The following TOMM40 variants were observed in gnomAD, a reference collection of about 807,000 sequenced individuals.
TOMM40 encodes the protein mitochondrial import receptor subunit TOM40 homolog.
Under a neutral mutation model 38.4 loss-of-function variants are expected in TOMM40, and 9 were observed. That is an observed-to-expected ratio of 0.23 (90% confidence interval 0.14 to 0.41). The LOEUF (loss-of-function observed/expected upper bound fraction) is 0.41, where lower values mean the gene tolerates loss of function less well. Ranked by LOEUF, TOMM40 falls within the 10% of genes least tolerant of loss-of-function variation. The pLI is 1.00. For synonymous variants in TOMM40, 184 were observed against 210.0 expected, an observed-to-expected ratio of 0.88 and a Z score of 1.07; for missense variants, 299 against 486.5, an observed-to-expected ratio of 0.61 and a Z score of 3.63.
rs1969559887 is a variant in TOMM40 at position 44,896,103 on chromosome 19, C to T, written c.643+2037C>T. Among the ~76,000 whole-genome samples, 3 of 152,204 alleles carry T rather than the reference C, an allele frequency of 2.0e-5. No individual in the cohort carries two copies. In the South Asian group the frequency reaches 6.2e-4, roughly 32 times the overall value. Reference sequence around the variant, plus strand: ...CTTCACGGCGCCAGCAACCCCGTTCCCTGTGCCGCCTCGCTCGCCTGGTCC... The same window carrying T: ...CTTCACGGCGCCAGCAACCCCGTTCTCTGTGCCGCCTCGCTCGCCTGGTCC... On this transcript the variant is annotated intron_variant, in intron 5 of 8. Transcript: ENST00000426677.
intron 2 of TOMM40, 80 bp from the exon 3 acceptor site, chr19:44,892,757 G>C: frequency 8.2e-7 from 1 of 1,218,648 alleles, no homozygotes; most frequent in Non-Finnish European, 1.2e-6. Context: ...CCCCTGCCCA[G>C]CCCAGAGACC....
intron 3 of TOMM40, among the ~76,000 whole-genome samples, chr19:44,893,288 G>C (rs1044994770): frequency 1.3e-5 from 2 of 152,142 alleles, no homozygotes; most frequent in African/African-American, 4.8e-5. Flanking sequence ...GTCATGGCAT[G>C]GTTTGGTCAA....
chr19:44,897,385 T>G (rs1182692710), intron 5 of TOMM40, among the ~76,000 whole-genome samples: 1 of 152,102 alleles, frequency 6.6e-6, no homozygotes, highest in African/African-American at 2.4e-5. Context: ...CCCCCTTGAT[T>G]GAATGAGGGG....
chr19:44,901,071 G>A lies in TOMM40; in HGVS notation c.810G>A (p.Met270Ile), dbSNP rs774054066. The A allele has an allele frequency of 6.2e-7, 1 of 1,614,286 alleles. No individual in the cohort carries two copies. Among genetic ancestry groups the A allele is most frequent in the Admixed American group, 1.7e-5 (1 of 60,038 alleles). Residue 270 changes from methionine (M) to isoleucine (I), a missense_variant, in exon 7 of 9, where the codon ATG becomes ATA. Met to Ile is a conservative substitution (Grantham distance 10). Transcript: ENST00000426677. ...CGGTAACGTTGGGCCAGGCGGGCAT[G>A]CACGCAACATACTACCACAAAGCCA... ...LATVTLGQAGMHATYYHKASD... is the reference protein window; with the variant it reads ...LATVTLGQAGIHATYYHKASD...
At chr19:44,894,196 C>A in intron 5 of TOMM40, 130 bp downstream of exon 5, 1 of 622,094 alleles carries the variant, frequency 1.6e-6, no homozygotes. Context: ...TTTGAAACAT[C>A]AGGCAACATA....
Position 44,903,260 on chromosome 19 carries a change from C to T in TOMM40, c.*91C>T, listed in dbSNP as rs1170754921. 6.0e-6 allele frequency: 8 copies of T among 1,331,192 alleles called. No homozygotes were observed. The African/African-American group carries it at 6.1e-5, about 10-fold the overall frequency. 82.5% of individuals were successfully genotyped at this position (1,331,192 alleles called of 1,614,324 possible). ...AGAGGGGAGACCTGAGCCCCCCTCC[C>T]TTCCCTCCCCCCTTGGGGGTCGGGG... is the stretch of plus-strand genomic sequence containing the variant. On this transcript the variant is annotated 3_prime_UTR_variant, in exon 9 of 9. Coordinates refer to ENST00000426677, the MANE Select transcript of TOMM40 (RefSeq NM_001128917.2).
intron 5 of TOMM40, 73 bp downstream of exon 5, chr19:44,894,139 G>A (rs1969521311): frequency 3.4e-6 from 4 of 1,172,146 alleles, no homozygotes; most frequent in Non-Finnish European, 3.5e-6. Context: ...CACCCCATTT[G>A]TGAACCTCCT....
rs1450204457 is a variant in TOMM40, at chr19:44,903,255, C to G, written c.*86C>G. 3.0e-6 allele frequency: 4 copies of G among 1,351,122 alleles called. No homozygotes were observed. The highest frequency in any genetic ancestry group is 1.5e-5 in the African/African-American group (1 of 66,440). 83.7% of individuals were successfully genotyped at this position (1,351,122 alleles called of 1,614,324 possible). A position where few individuals can be genotyped will look rare whatever the true frequency, so the allele number is the denominator to read the frequency against. On this transcript the variant is annotated 3_prime_UTR_variant, in exon 9 of 9. Coordinates refer to ENST00000426677, the MANE Select transcript of TOMM40 (RefSeq NM_001128917.2). The stretch of plus-strand genomic sequence containing the variant: ...GCCACAGAGGGGAGACCTGAGCCCC[C>G]CTCCCTTCCCTCCCCCCTTGGGGGT...
At chr19:44,892,108 C>T (rs1248586639) in intron 1 of TOMM40, among the ~76,000 whole-genome samples, 1 of 152,150 alleles carries the variant, frequency 6.6e-6, no homozygotes, top group Non-Finnish European at 1.5e-5. Context: ...TTCTGGTGTT[C>T]ATTATACGTT....
intron 5 of TOMM40, among the ~76,000 whole-genome samples, chr19:44,894,473 G>C (rs1331442748): frequency 6.6e-6 from 1 of 152,086 alleles, no homozygotes; most frequent in Non-Finnish European, 1.5e-5. Flanking sequence ...CATTGGTCAG[G>C]CTGGTCTTGA....
intron 5 of TOMM40, among the ~76,000 whole-genome samples, chr19:44,899,482 C>T (rs1003518046): frequency 3.3e-5 from 5 of 152,064 alleles, no homozygotes; most frequent in Non-Finnish European, 5.9e-5. Context: ...TACAGGTGTG[C>T]ACCACCTCAC....
chr19:44,891,375 C>T lies in TOMM40; in HGVS notation c.-41C>T. 2 of 1,246,182 alleles carry T rather than the reference C, an allele frequency of 1.6e-6. No individual in the cohort carries two copies. Among genetic ancestry groups the T allele is most frequent in the Non-Finnish European group, 2.0e-6 (2 of 994,964 alleles). The allele number at this position is 1,246,182 out of a possible 1,614,324, so 77.2% of individuals were successfully genotyped here. Reference sequence around the variant, plus strand: ...TGGGGCTGAGTCGGGGGCGCGCGGGCCCTGACCTCTGCCCTCTGACCTCTC... The same window carrying T: ...TGGGGCTGAGTCGGGGGCGCGCGGGTCCTGACCTCTGCCCTCTGACCTCTC... On this transcript the variant is annotated 5_prime_UTR_variant, in exon 1 of 9. Transcript: ENST00000426677.
intron 3 of TOMM40, 65 bp from the exon 4 acceptor site, chr19:44,893,715 C>G: frequency 7.3e-7 from 1 of 1,376,748 alleles, no homozygotes; most frequent in Non-Finnish European, 1.0e-6. Context: ...CTTCTCACCC[C>G]GGCCCATCTC....
At chr19:44,901,613 G>A in intron 8 of TOMM40, 2 of 601,854 alleles carry the variant, frequency 3.3e-6, no homozygotes. Flanking sequence ...GGTTGCGGGT[G>A]CCTATAGTCC....
rs573980724 is a variant in TOMM40 at position 44,896,481 on chromosome 19, C to G, written c.643+2415C>G. Among the ~76,000 whole-genome samples the G allele has an allele frequency of 1.1e-4, 17 of 152,242 alleles. 1 individual carries two copies. Among genetic ancestry groups the G allele is most frequent in the African/African-American group, 3.1e-4 (13 of 41,464 alleles). Reference sequence around the variant, plus strand: ...CACTGGGCCACATGCACAGTCACCACTTGCTCCACTCTGGCATCTCCATGG... The same window carrying G: ...CACTGGGCCACATGCACAGTCACCAGTTGCTCCACTCTGGCATCTCCATGG... On this transcript the variant is annotated intron_variant, in intron 5 of 8. Transcript: ENST00000426677.
At chr19:44,896,833 T>C (rs1267197563) in intron 5 of TOMM40, among the ~76,000 whole-genome samples, 1 of 152,080 alleles carries the variant, frequency 6.6e-6, no homozygotes, top group African/African-American at 2.4e-5. Flanking sequence ...GGTGGGCGGA[T>C]CGCTTGAGAT....
At chr19:44,897,186 T>A (rs897025712) in intron 5 of TOMM40, among the ~76,000 whole-genome samples, 2 of 152,088 alleles carry the variant, frequency 1.3e-5, no homozygotes, top group African/African-American at 4.8e-5. Context: ...TCACTTGAAG[T>A]TGGGGCATGA....
intron 5 of TOMM40, among the ~76,000 whole-genome samples, chr19:44,899,841 C>G (rs1380503945): frequency 8.0e-6 from 1 of 124,674 alleles, no homozygotes; most frequent in Non-Finnish European, 1.6e-5. Context: ...TGGGGTCTCA[C>G]CATGTTGCCC....
chr19:44,893,210 G>A (rs1370077052), intron 3 of TOMM40, among the ~76,000 whole-genome samples: 1 of 152,232 alleles, frequency 6.6e-6, no homozygotes, highest in Admixed American at 6.5e-5. Flanking sequence ...GAAAGGGCTG[G>A]ACTGTAGATC....
Sources: gnomAD v4.1 joint callset for allele counts (sites outside exome capture counted in the v4.1 genomes callset) on GRCh38, gnomAD v4.1.1 for gene constraint, MANE v1.5 for transcripts, NCBI Gene and HGNC (gene_info 2026-07-23, HGNC 2026-07-21) for gene names.